The following ZNF487 variants were observed in gnomAD, a reference collection of about 807,000 sequenced individuals.
ZNF487 encodes the protein KRAB domain only 1.
Under a neutral mutation model 3.0 loss-of-function variants are expected in ZNF487, and 4 were observed. The observed-to-expected ratio is 1.35, with a 90% CI of 0.66 to 3.08. The LOEUF is 3.08. Ranked by LOEUF, ZNF487 falls within the 30% of genes most tolerant of loss-of-function variation. The pLI, the probability that ZNF487 is intolerant of heterozygous loss-of-function variation, is 0.01. For synonymous variants in ZNF487, 55 were observed against 34.6 expected, an observed-to-expected ratio of 1.59 and a Z score of -2.06; for missense variants, 146 against 98.7, an observed-to-expected ratio of 1.48 and a Z score of -2.03.
At chr10:43,448,812 G>A (rs779023490) in intron 1 of ZNF487, among the ~76,000 whole-genome samples, 3 of 151,554 alleles carry the variant, frequency 2.0e-5, no homozygotes, top group Admixed American at 2.0e-4. Context: ...GGAAGACTCC[G>A]TTTCAAAAAA....
chr10:43,506,927 CTG>C, the ZNF487 span, among the ~76,000 whole-genome samples: 1 of 152,184 alleles, frequency 6.6e-6, no homozygotes, highest in Non-Finnish European at 1.5e-5. Flanking sequence ...CTGTAATTAA[CTG>C]TTCTTGGTGG....
the ZNF487 span, among the ~76,000 whole-genome samples, chr10:43,494,855 T>C: frequency 1.4e-5 from 2 of 148,042 alleles, no homozygotes; most frequent in African/African-American, 5.1e-5. Context: ...GAGAATCACT[T>C]GGACCTGGGA....
At chr10:43,451,174 G>A (rs771413507) in intron 1 of ZNF487, among the ~76,000 whole-genome samples, 6 of 151,676 alleles carry the variant, frequency 4.0e-5, no homozygotes, top group African/African-American at 1.5e-4. Flanking sequence ...GTGAACTCCC[G>A]ACCTCAGGTG....
the ZNF487 span, among the ~76,000 whole-genome samples, chr10:43,488,953 C>CA: frequency 2.0e-4 from 29 of 142,794 alleles, no homozygotes; most frequent in Admixed American, 3.5e-4. Context: ...CCTGTCTCTA[C>CA]AAAAAAAAAA....
chr10:43,450,940 T>C (rs768506110), intron 1 of ZNF487, among the ~76,000 whole-genome samples: 12 of 152,022 alleles, frequency 7.9e-5, no homozygotes, highest in South Asian at 2.1e-4. Flanking sequence ...CCATTATTAT[T>C]ATTTTTTTAT....
chr10:43,442,404 CTCT>C (rs765402806), intron 1 of ZNF487, among the ~76,000 whole-genome samples: 41 of 151,992 alleles, frequency 2.7e-4, no homozygotes, highest in Non-Finnish European at 4.7e-4. Context: ...CATAGTACGT[CTCT>C]TCATTTGCTT....
the ZNF487 span, among the ~76,000 whole-genome samples, chr10:43,506,224 C>A: frequency 6.6e-6 from 1 of 152,270 alleles, no homozygotes; most frequent in Middle Eastern, 3.4e-3. Context: ...TCAAAAGGAC[C>A]AGGCCCAGGC....
At chr10:43,467,083 C>A (rs1314879393) in intron 1 of ZNF487, among the ~76,000 whole-genome samples, 2 of 152,104 alleles carry the variant, frequency 1.3e-5, no homozygotes, top group African/African-American at 4.8e-5. Context: ...TCATGTTGAC[C>A]AGGCTGGTCT....
At chr10:43,494,765 C>CAAAA in the ZNF487 span, among the ~76,000 whole-genome samples, 1,124 of 35,768 alleles carry the variant, frequency 0.031, 34 homozygotes, top group South Asian at 0.096. Flanking sequence ...ACTAAAAATA[C>CAAAA]AAAAAAAAAA....
the ZNF487 span, among the ~76,000 whole-genome samples, chr10:43,494,791 G>C: frequency 2.1e-5 from 2 of 95,126 alleles, no homozygotes; most frequent in African/African-American, 1.2e-4. Flanking sequence ...AAAAAAAAAA[G>C]CTGGGCATGG....
chr10:43,458,416 GCTAATTAGC>G (rs1366464362), intron 1 of ZNF487, among the ~76,000 whole-genome samples: 1 of 152,176 alleles, frequency 6.6e-6, no homozygotes, highest in Non-Finnish European at 1.5e-5. Flanking sequence ...CTTTTGAGTT[GCTAATTAGC>G]CTCTTCAAAG....
chr10:43,488,856 C>T, the ZNF487 span, among the ~76,000 whole-genome samples: 1 of 152,052 alleles, frequency 6.6e-6, no homozygotes, highest in East Asian at 1.9e-4. Context: ...GTGGCTTACT[C>T]CTGTTATCCC....
At chr10:43,522,389 C>G in the ZNF487 span, among the ~76,000 whole-genome samples, 5 of 152,132 alleles carry the variant, frequency 3.3e-5, no homozygotes, top group African/African-American at 1.2e-4. Context: ...TATGTGTCCA[C>G]TGATTTACTA....
intron 1 of ZNF487, among the ~76,000 whole-genome samples, chr10:43,443,015 T>C (rs1227755942): frequency 6.6e-6 from 1 of 151,946 alleles, no homozygotes; most frequent in Non-Finnish European, 1.5e-5. Flanking sequence ...GTTGATTTTT[T>C]AGTTGAGCTT....
intron 1 of ZNF487, among the ~76,000 whole-genome samples, chr10:43,466,496 G>T (rs1183641122): frequency 1.1e-4 from 17 of 149,430 alleles, no homozygotes; most frequent in Admixed American, 6.7e-4. Flanking sequence ...TCCGCCTCCT[G>T]GGTTCAATTG....
At chr10:43,518,767 T>C in the ZNF487 span, among the ~76,000 whole-genome samples, 1 of 152,176 alleles carries the variant, frequency 6.6e-6, no homozygotes, top group Non-Finnish European at 1.5e-5. Context: ...TGTTCTCTCT[T>C]ACAGCAATTC....
the ZNF487 span, among the ~76,000 whole-genome samples, chr10:43,499,683 C>T: frequency 6.6e-6 from 1 of 151,614 alleles, no homozygotes; most frequent in Non-Finnish European, 1.5e-5. Flanking sequence ...CCTGGGCAGT[C>T]AAGGCCGCAG....
chr10:43,520,116 C>T, the ZNF487 span, among the ~76,000 whole-genome samples: 1 of 152,126 alleles, frequency 6.6e-6, no homozygotes, highest in African/African-American at 2.4e-5. Flanking sequence ...CACAAAATGA[C>T]TGTATGTTAA....
intron 1 of ZNF487, among the ~76,000 whole-genome samples, chr10:43,466,636 T>C (rs561221154): frequency 3.9e-5 from 6 of 152,116 alleles, no homozygotes; most frequent in Middle Eastern, 3.4e-3. Flanking sequence ...CTCCTGACCT[T>C]GTGATCCACC....
Sources: allele counts gnomAD v4.1 joint callset (sites outside exome capture counted in the v4.1 genomes callset), GRCh38; gene constraint gnomAD v4.1.1; transcripts MANE v1.5; gene names NCBI Gene and HGNC (gene_info 2026-07-23, HGNC 2026-07-21).